Variants in PDS5A observed in about 807,000 individuals in gnomAD.
The protein encoded by PDS5A is PDS5 cohesin associated factor A, also known as sister chromatid cohesion protein PDS5 homolog A.
A neutral mutation model predicts 167.1 loss-of-function variants in PDS5A; 42 were observed. The observed-to-expected ratio is 0.25, with a 90% CI of 0.20 to 0.33. PDS5A has a LOEUF of 0.33. Among genes scored for constraint, PDS5A ranks in the 10% least tolerant of loss-of-function variants. The pLI, the probability that PDS5A is intolerant of heterozygous loss-of-function variation, is 1.00. For synonymous variants in PDS5A, 553 were observed against 554.6 expected (o/e 1.00, Z 0.04); for missense variants, 1,033 against 1,605.9 (o/e 0.64, Z 6.10).
intron 23 of PDS5A, among the ~76,000 whole-genome samples, chr4:39,864,690 G>T (rs541806948): frequency 7.9e-5 from 12 of 152,176 alleles, no homozygotes; most frequent in Admixed American, 3.3e-4. Context: ...GCCTCAAATG[G>T]TTTCTATGGC....
At chr4:39,938,681 T>C (rs1578783595) in intron 2 of PDS5A, among the ~76,000 whole-genome samples, 1 of 151,752 alleles carries the variant, frequency 6.6e-6, no homozygotes, top group South Asian at 2.1e-4. Flanking sequence ...TGAAATACTA[T>C]ATAAGTTAGG....
chr4:39,962,335 C>T (rs867481339), intron 2 of PDS5A, among the ~76,000 whole-genome samples: 6 of 152,038 alleles, frequency 3.9e-5, no homozygotes, highest in East Asian at 1.9e-4. Context: ...GGATTACAGG[C>T]GTAAGCCACC....
intron 2 of PDS5A, among the ~76,000 whole-genome samples, chr4:39,957,143 C>A (rs1427379973): frequency 6.6e-6 from 1 of 152,058 alleles, no homozygotes; most frequent in Non-Finnish European, 1.5e-5. Flanking sequence ...ATTCAATAAG[C>A]ATTTGAAGTT....
At chr4:39,890,757 C>T (rs1721888787) in intron 16 of PDS5A, among the ~76,000 whole-genome samples, 2 of 151,762 alleles carry the variant, frequency 1.3e-5, no homozygotes, top group African/African-American at 2.4e-5. Context: ...GCTGGGATTA[C>T]AGGCACGTGC....
intron 20 of PDS5A, 61 bp downstream of exon 20, chr4:39,874,228 T>A: frequency 7.0e-7 from 1 of 1,432,884 alleles, no homozygotes; most frequent in Non-Finnish European, 9.6e-7. Flanking sequence ...TCCATCTTCA[T>A]CAAACTATAG....
At chr4:39,830,121 A>G (rs926715844) in intron 32 of PDS5A, among the ~76,000 whole-genome samples, 1 of 152,070 alleles carries the variant, frequency 6.6e-6, no homozygotes, top group Non-Finnish European at 1.5e-5. Flanking sequence ...TCATTTCTTT[A>G]TGCTCATATA....
At position 39,866,890 on chromosome 4, in the gene PDS5A, C is replaced by G; in HGVS notation, c.2613G>C (p.Glu871Asp). 1 of 1,613,014 alleles carries G rather than the reference C, an allele frequency of 6.2e-7. No homozygotes were observed. Among genetic ancestry groups the G allele is most frequent in the Non-Finnish European group, 8.5e-7 (1 of 1,179,444 alleles). Residue 871 changes from glutamate to aspartate, a missense_variant, in exon 23 of 33, where the codon GAG (glutamate) becomes GAC (aspartate). Coordinates refer to ENST00000303538, the MANE Select transcript of PDS5A (RefSeq NM_001100399.2). ...TCCTCTTTTGCTCTGTCAGGTCACCCTCACTAACCAACATCGCTGATAATA... is the reference window on the plus strand; with the variant it reads ...TCCTCTTTTGCTCTGTCAGGTCACCGTCACTAACCAACATCGCTGATAATA... Reference protein sequence around the residue: ...LRLLSAMLVSEGDLTEQKRIS... With the variant: ...LRLLSAMLVSDGDLTEQKRIS...
At chr4:39,946,131 C>T (rs1727735309) in intron 2 of PDS5A, among the ~76,000 whole-genome samples, 1 of 149,624 alleles carries the variant, frequency 6.7e-6, no homozygotes, top group Admixed American at 6.7e-5. Context: ...CGCTTGAACC[C>T]AGGAGGCAGA....
chr4:39,940,540 A>T (rs188264768), intron 2 of PDS5A, among the ~76,000 whole-genome samples: 5 of 152,362 alleles, frequency 3.3e-5, no homozygotes, highest in African/African-American at 9.6e-5. Flanking sequence ...TCTTTAAAGC[A>T]GTTAATCTAA....
intron 17 of PDS5A, among the ~76,000 whole-genome samples, chr4:39,889,654 T>C (rs1413733341): frequency 1.3e-5 from 2 of 152,156 alleles, no homozygotes; most frequent in African/African-American, 4.8e-5. Flanking sequence ...AATCAATAGC[T>C]CTTAACTAAT....
At position 39,920,340 on chromosome 4, in the gene PDS5A, A is replaced by G; in HGVS notation, c.714T>C (p.Thr238=). The G allele has an allele frequency of 6.6e-7, 1 of 1,524,700 alleles. No individual in the cohort carries two copies. The highest frequency in any genetic ancestry group is 1.7e-5 in the Admixed American group (1 of 58,422). 94.4% of individuals were successfully genotyped at this position (1,524,700 alleles called of 1,614,324 possible). A position where few individuals can be genotyped will look rare whatever the true frequency, so the allele number is the denominator to read the frequency against. The part of the protein sequence containing the change: ...AKVLLKRTVQ[T]IEACIANFFN... ...ATACATTAGCAATGCATGCCTCAAT[A>G]GTCTGGACTGTTCTTTTCAATAGCA... Residue 238 remains threonine (T), a synonymous_variant, in exon 7 of 33, where the codon ACT becomes ACC. Coordinates refer to ENST00000303538, the MANE Select transcript of PDS5A (RefSeq NM_001100399.2).
At chr4:39,833,175 GA>G (rs1385478418) in intron 32 of PDS5A, among the ~76,000 whole-genome samples, 3 of 91,188 alleles carry the variant, frequency 3.3e-5, no homozygotes, top group African/African-American at 4.3e-5. Flanking sequence ...TGGGCCACAA[GA>G]GTGAAACTCC....
In PDS5A at chr4:39,977,555, G is replaced by C. The variant is rs933285543; in HGVS notation, c.-139C>G. On this transcript the variant is annotated 5_prime_UTR_variant, in exon 1 of 33. Transcript: ENST00000303538. This position sits in a 1 kb window ranked among gnomAD's most constrained non-coding sequence, Gnocchi z 4.2. ...CGGGCTGCACACAAAGCGGCTCCGC[G>C]GGTCCCGCCGCCGCCGCCGCCGCCG... 10 of 156,496 alleles carry C rather than the reference G, an allele frequency of 6.4e-5. No homozygotes were observed. The highest frequency in any genetic ancestry group is 1.4e-4 in the Non-Finnish European group (10 of 73,816). The allele number at this position is 156,496 out of a possible 1,614,324, so 9.7% of individuals were successfully genotyped here. A position where few individuals can be genotyped will look rare whatever the true frequency, so the allele number is the denominator to read the frequency against.
At chr4:39,913,785 T>C in intron 8 of PDS5A, 59 bp from the exon 9 acceptor site, 1 of 885,694 alleles carries the variant, frequency 1.1e-6, no homozygotes, top group East Asian at 2.4e-5. Flanking sequence ...ACAGAAAATA[T>C]CTTGAAACAT....
In PDS5A at chr4:39,971,889, A is replaced by G. The variant is rs561264901; in HGVS notation, c.138+4551T>C. On this transcript the variant is annotated intron_variant, in intron 2 of 32. Transcript: ENST00000303538. ...AAAAACAAAATTTCAAAAATACTTA[A>G]GTATTGTTAAAAATCTACATTTCCA... Among the ~76,000 whole-genome samples, 3 of 152,358 alleles carry G rather than the reference A, an allele frequency of 2.0e-5. No homozygotes were observed. The South Asian group carries it at 6.2e-4, about 32-fold the overall frequency.
At chr4:39,934,806 A>G (rs955608922) in intron 2 of PDS5A, among the ~76,000 whole-genome samples, 1 of 152,026 alleles carries the variant, frequency 6.6e-6, no homozygotes, top group African/African-American at 2.4e-5. Flanking sequence ...TTAACTCAAA[A>G]TTAAGCATCT....
intron 2 of PDS5A, among the ~76,000 whole-genome samples, chr4:39,975,357 A>T (rs1185883571): frequency 2.0e-5 from 3 of 152,228 alleles, no homozygotes; most frequent in Non-Finnish European, 4.4e-5. Context: ...TAAATACTGT[A>T]CTCATTAAAA....
At chr4:39,905,645 C>A (rs537103386) in intron 11 of PDS5A, among the ~76,000 whole-genome samples, 1 of 152,030 alleles carries the variant, frequency 6.6e-6, no homozygotes, top group East Asian at 1.9e-4. Context: ...AGAGAGGGAC[C>A]AAAACAAACA....
At chr4:39,955,395 A>G (rs898413265) in intron 2 of PDS5A, among the ~76,000 whole-genome samples, 1 of 152,062 alleles carries the variant, frequency 6.6e-6, no homozygotes, top group Non-Finnish European at 1.5e-5. Context: ...TGAAATCAGG[A>G]GTTCGAGACC....
Sources: gnomAD v4.1 joint callset for allele counts (sites outside exome capture counted in the v4.1 genomes callset) on GRCh38, gnomAD v4.1.1 for gene constraint, Gnocchi (gnomAD v3.1) non-coding constraint, MANE v1.5 for transcripts, NCBI Gene and HGNC (gene_info 2026-07-23, HGNC 2026-07-21) for gene names.